The following TAOK3 variants were observed in gnomAD, a reference collection of about 807,000 sequenced individuals.
TAOK3 encodes the protein TAO kinase 3, also known as serine/threonine-protein kinase TAO3.
TAOK3 carries 40 observed loss-of-function variants against 120.4 expected under a neutral mutation model. That is an observed-to-expected ratio of 0.33 (90% CI 0.26 to 0.43). The LOEUF (loss-of-function observed/expected upper bound fraction) is 0.43. Ranked by LOEUF, TAOK3 falls within the 20% of genes least tolerant of loss-of-function variation. The probability of loss-of-function intolerance (pLI) is 1.00; values close to 1 mark genes in which losing one functional copy is unlikely to be tolerated. For synonymous variants in TAOK3, 355 were observed against 387.5 expected (o/e 0.92, Z 0.99); for missense variants, 821 against 1,112.1 (o/e 0.74, Z 3.72).
intron 1 of TAOK3, among the ~76,000 whole-genome samples, chr12:118,347,406 C>T (rs2044911561): frequency 6.6e-6 from 1 of 152,086 alleles, no homozygotes; most frequent in Non-Finnish European, 1.5e-5. Context: ...TCCTCTCTCC[C>T]AACTCCTCCT....
chr12:118,198,937 G>T, intron 13 of TAOK3, 114 bp downstream of exon 13: 2 of 1,089,796 alleles, frequency 1.8e-6, no homozygotes, highest in Non-Finnish European at 2.8e-6. Context: ...GCCAGGTTTA[G>T]TACCACACTG....
chr12:118,348,500 G>A (rs570478593), intron 1 of TAOK3, among the ~76,000 whole-genome samples: 1 of 151,704 alleles, frequency 6.6e-6, no homozygotes, highest in East Asian at 1.9e-4. Context: ...ACCCAGGCTG[G>A]AGTGCAGTGG....
chr12:118,194,857 T>C (rs2139163226), intron 13 of TAOK3, among the ~76,000 whole-genome samples: 1 of 152,220 alleles, frequency 6.6e-6, no homozygotes, highest in South Asian at 2.1e-4. Flanking sequence ...TAAGCAATTC[T>C]CCTGCCTTAG....
At chr12:118,334,510 A>C (rs2044281676) in intron 1 of TAOK3, among the ~76,000 whole-genome samples, 1 of 152,230 alleles carries the variant, frequency 6.6e-6, no homozygotes, top group Admixed American at 6.5e-5. Context: ...GCTTTGTAAT[A>C]TGAGTAAGTT....
intron 1 of TAOK3, among the ~76,000 whole-genome samples, chr12:118,321,627 T>C (rs1186627455): frequency 6.6e-6 from 1 of 152,172 alleles, no homozygotes; most frequent in Admixed American, 6.5e-5. Context: ...TTAAAATATA[T>C]GCTTCAGCAA....
intron 1 of TAOK3, among the ~76,000 whole-genome samples, chr12:118,325,702 T>C (rs2043907926): frequency 6.6e-6 from 1 of 152,118 alleles, no homozygotes; most frequent in Non-Finnish European, 1.5e-5. Context: ...TTCTTTGAGA[T>C]AGAGTCTCGC....
intron 1 of TAOK3, among the ~76,000 whole-genome samples, chr12:118,355,280 C>T (rs1453569334): frequency 1.3e-5 from 2 of 152,148 alleles, no homozygotes; most frequent in Non-Finnish European, 2.9e-5. Flanking sequence ...TCTTAAGACA[C>T]AGTCCTAACT....
intron 15 of TAOK3, among the ~76,000 whole-genome samples, 166 bp from the exon 16 acceptor site, chr12:118,177,495 A>AAC (rs201270077): frequency 6.5e-4 from 96 of 147,822 alleles, no homozygotes; most frequent in East Asian, 8.3e-4. Flanking sequence ...ATCTTAAAGA[A>AAC]ACACAAAAAA....
intron 11 of TAOK3, among the ~76,000 whole-genome samples, chr12:118,209,440 T>C (rs2038504419): frequency 6.6e-6 from 1 of 152,242 alleles, no homozygotes; most frequent in Non-Finnish European, 1.5e-5. Context: ...AGTCTTGCTG[T>C]TGCCCAGGCT....
At chr12:118,168,391 G>A (rs2035748751) in intron 17 of TAOK3, among the ~76,000 whole-genome samples, 2 of 152,298 alleles carry the variant, frequency 1.3e-5, no homozygotes, top group South Asian at 4.1e-4. Flanking sequence ...CGGAGGTAAT[G>A]GATATGTTAG....
intron 1 of TAOK3, among the ~76,000 whole-genome samples, chr12:118,300,090 T>C (rs2042824335): frequency 6.6e-6 from 1 of 152,184 alleles, no homozygotes; most frequent in Non-Finnish European, 1.5e-5. Context: ...AGGTCTAGAA[T>C]ATCAGCAGGG....
At chr12:118,197,987 T>C (rs1430607910) in intron 13 of TAOK3, among the ~76,000 whole-genome samples, 1 of 152,162 alleles carries the variant, frequency 6.6e-6, no homozygotes, top group Non-Finnish European at 1.5e-5. Flanking sequence ...TTCAAATACA[T>C]GATCACTTGC....
intron 20 of TAOK3, 87 bp downstream of exon 20, chr12:118,152,140 A>G (rs2034491930): frequency 1.5e-6 from 2 of 1,293,144 alleles, no homozygotes; most frequent in East Asian, 4.7e-5. Context: ...TTTAATCTCT[A>G]ACTAAGGAAG....
intron 14 of TAOK3, among the ~76,000 whole-genome samples, chr12:118,182,956 C>G (rs1473316317): frequency 6.6e-6 from 1 of 152,014 alleles, no homozygotes; most frequent in Non-Finnish European, 1.5e-5. Flanking sequence ...TCTATTAAAT[C>G]TTTTGTGATT....
At chr12:118,221,972 G>C (rs1489234154) in intron 9 of TAOK3, among the ~76,000 whole-genome samples, 1 of 151,866 alleles carries the variant, frequency 6.6e-6, no homozygotes, top group Non-Finnish European at 1.5e-5. Context: ...AAAGGTAGAA[G>C]CATACAAACG....
chr12:118,273,752 G>A (rs1162830529), intron 1 of TAOK3, among the ~76,000 whole-genome samples: 1 of 152,050 alleles, frequency 6.6e-6, no homozygotes, highest in African/African-American at 2.4e-5. Context: ...GGAGGTGGAG[G>A]TTGCAGTGAG....
intron 1 of TAOK3, among the ~76,000 whole-genome samples, chr12:118,339,508 C>CTG (rs1212963378): frequency 6.6e-6 from 1 of 151,646 alleles, no homozygotes; most frequent in African/African-American, 2.4e-5. Context: ...ATCTTTAAAT[C>CTG]TGTGTAATGA....
Position 118,214,016 on chromosome 12 carries a change from C to A in TAOK3, c.737+1G>T. 6.2e-7 allele frequency: 1 copy of A among 1,603,766 alleles called. No individual in the cohort carries two copies. The highest frequency in any genetic ancestry group is 8.5e-7 in the Non-Finnish European group (1 of 1,172,036). On this transcript the variant is annotated splice_donor_variant, in intron 10 of 20. Transcript: ENST00000392533. LOFTEE classifies it high-confidence loss of function. ...GATTTAAAATGATAGCAGAGTCTTA[C>A]CATTCATTAGACTGTAACGTTGGGG...
chr12:118,253,611 T>G (rs927164317), intron 3 of TAOK3, among the ~76,000 whole-genome samples: 1 of 151,368 alleles, frequency 6.6e-6, no homozygotes, highest in African/African-American at 2.4e-5. Context: ...ATGGCAGGTG[T>G]CTGTAATCCC....
Sources: allele counts gnomAD v4.1 joint callset (sites outside exome capture counted in the v4.1 genomes callset), GRCh38; gene constraint gnomAD v4.1.1; transcripts MANE v1.5; gene names NCBI Gene and HGNC (gene_info 2026-07-23, HGNC 2026-07-21).